Variants in MAPK13 observed in about 807,000 individuals in gnomAD.
The protein encoded by MAPK13 is MAP kinase 13.
In MAPK13, 39 loss-of-function variants were observed where a neutral mutation model predicts 53.5. That is an observed-to-expected ratio of 0.73 (90% CI 0.56 to 0.95). MAPK13 has a LOEUF of 0.95. MAPK13 is among the 40% of genes least tolerant of loss of function. The pLI, the probability that MAPK13 is intolerant of heterozygous loss-of-function variation, is 0.00. For synonymous variants in MAPK13, 179 were observed against 190.9 expected (o/e 0.94, Z 0.51); for missense variants, 460 against 471.8 (o/e 0.98, Z 0.23).
chr6:36,140,966 A>T lies in MAPK13; in HGVS notation c.*1593A>T, dbSNP rs1561792387. On this transcript the variant is annotated 3_prime_UTR_variant, in exon 12 of 12. Transcript: ENST00000211287. Reference sequence around the variant, plus strand: ...AGGACTGCAGGTGGCTAATTAAAACATTTTTTTTCTTTTTTGTATAGGCGG... The same window carrying T: ...AGGACTGCAGGTGGCTAATTAAAACTTTTTTTTTCTTTTTTGTATAGGCGG... The T allele has an allele frequency of 6.6e-6, 1 of 151,678 alleles. No individual in the cohort carries two copies. Among genetic ancestry groups the T allele is most frequent in the Non-Finnish European group, 1.5e-5 (1 of 67,914 alleles). 9.4% of individuals were successfully genotyped at this position (151,678 alleles called of 1,614,324 possible).
intron 3 of MAPK13, among the ~76,000 whole-genome samples, chr6:36,134,320 AAACAACAAC>A (rs143995200): frequency 6.6e-6 from 1 of 152,074 alleles, no homozygotes; most frequent in Non-Finnish European, 1.5e-5. Context: ...GTCCTTTCAA[AAACAACAAC>A]AACAACAACA....
At chr6:36,137,265 C>CA (rs1766435936) in intron 8 of MAPK13, among the ~76,000 whole-genome samples, 1 of 152,142 alleles carries the variant, frequency 6.6e-6, no homozygotes, top group East Asian at 1.9e-4. Flanking sequence ...TCTGTAATCC[C>CA]AGCACTCTGG....
At chr6:36,133,683 A>G (rs1337385582) in intron 3 of MAPK13, among the ~76,000 whole-genome samples, 1 of 152,236 alleles carries the variant, frequency 6.6e-6, no homozygotes, top group Non-Finnish European at 1.5e-5. Flanking sequence ...GAACCTCAGG[A>G]GACGAAGGTC....
At chr6:36,138,505 TG>T in intron 9 of MAPK13, 61 bp downstream of exon 9, 1 of 1,526,196 alleles carries the variant, frequency 6.6e-7, no homozygotes, top group Non-Finnish European at 9.0e-7. Flanking sequence ...GTGGGCCCAG[TG>T]GGCTGCAGGC....
intron 3 of MAPK13, among the ~76,000 whole-genome samples, 189 bp from the exon 4 acceptor site, chr6:36,135,564 C>T (rs1450442594): frequency 1.3e-5 from 2 of 152,224 alleles, no homozygotes; most frequent in Admixed American, 6.5e-5. Context: ...GGCGGCCCGC[C>T]ACAGGGAGAC....
In MAPK13 at chr6:36,136,775, G is replaced by A; in HGVS notation, c.610+5G>A. On this transcript the variant is annotated splice_donor_5th_base_variant and intron_variant, in intron 7 of 11. Coordinates refer to ENST00000211287, the MANE Select transcript of MAPK13 (RefSeq NM_002754.5). The stretch of plus-strand genomic sequence containing the variant: ...GGATGCACTACAACCAGACAGGTCA[G>A]TGGTCAATGCCTGAGAGGGCGGTCC... 6.2e-7 allele frequency: 1 copy of A among 1,613,930 alleles called. No individual in the cohort carries two copies.
intron 2 of MAPK13, among the ~76,000 whole-genome samples, chr6:36,131,776 C>T (rs917340671): frequency 6.6e-6 from 1 of 152,208 alleles, no homozygotes; most frequent in Non-Finnish European, 1.5e-5. Flanking sequence ...ATATTGAGCA[C>T]TTCCTATGTT....
chr6:36,137,771 G>A (rs1221569274), intron 8 of MAPK13, among the ~76,000 whole-genome samples: 1 of 151,728 alleles, frequency 6.6e-6, no homozygotes, highest in African/African-American at 2.4e-5. Flanking sequence ...GACCAGCCTG[G>A]CCAACGTGGT....
rs1169297160 is a variant in MAPK13, at chr6:36,143,081, T to C, written c.*3708T>C. 1.3e-5 allele frequency: 2 copies of C among 152,028 alleles called. No homozygotes were observed. Among genetic ancestry groups the C allele is most frequent in the Non-Finnish European group, 2.9e-5 (2 of 68,032 alleles). The allele number at this position is 152,028 out of a possible 1,614,324, so 9.4% of individuals were successfully genotyped here. ...GTGGCTGATGGGGTGGCTTAAAAGA[T>C]CTTAACAGAGAGAGATCAGGAAGCC... On this transcript the variant is annotated 3_prime_UTR_variant, in exon 12 of 12. Coordinates refer to ENST00000211287, the MANE Select transcript of MAPK13 (RefSeq NM_002754.5).
rs1202106780 is a variant in MAPK13, at chr6:36,144,394, C to T, written c.*5021C>T. On this transcript the variant is annotated 3_prime_UTR_variant, in exon 12 of 12. Coordinates refer to ENST00000211287, the MANE Select transcript of MAPK13 (RefSeq NM_002754.5). ...AATATTTTAAGATAGATACCTGTGG[C>T]AAACTGTAAAGGGATATGAAAAACT... is the stretch of plus-strand genomic sequence containing the variant. The T allele has an allele frequency of 6.6e-6, 1 of 152,096 alleles. No individual in the cohort carries two copies. The highest frequency in any genetic ancestry group is 1.9e-4 in the East Asian group (1 of 5,198). The allele number at this position is 152,096 out of a possible 1,614,324, so 9.4% of individuals were successfully genotyped here. A position where few individuals can be genotyped will look rare whatever the true frequency, so the allele number is the denominator to read the frequency against.
chr6:36,136,482 A>G lies in MAPK13; in HGVS notation c.448-2A>G, dbSNP rs1766418989. 6.3e-7 allele frequency: 1 copy of G among 1,593,564 alleles called. No homozygotes were observed. ...AGCATGCATTCTCTGTCCTCCCCCCAGGACCTGAAGCCAGGCAACCTGGCT... is the reference window on the plus strand; with the variant it reads ...AGCATGCATTCTCTGTCCTCCCCCCGGGACCTGAAGCCAGGCAACCTGGCT... On this transcript the variant is annotated splice_acceptor_variant, in intron 5 of 11. Coordinates refer to ENST00000211287, the MANE Select transcript of MAPK13 (RefSeq NM_002754.5). LOFTEE classifies it high-confidence loss of function.
In MAPK13 at chr6:36,136,879, T is replaced by C. The variant is rs1396156463; in HGVS notation, c.611T>C (p.Val204Ala). ...GGTGACACTCTCCCTCCCTCTGCAG[T>C]GGACATCTGGTCTGTGGGCTGTATC... ...ILSWMHYNQTVDIWSVGCIMA... is the reference protein window; with the variant it reads ...ILSWMHYNQTADIWSVGCIMA... Residue 204 changes from valine (V) to alanine (A), a missense_variant and splice_region_variant, in exon 8 of 12, where the codon GTG becomes GCG. Coordinates refer to ENST00000211287, the MANE Select transcript of MAPK13 (RefSeq NM_002754.5). 3 of 1,613,964 alleles carry C rather than the reference T, an allele frequency of 1.9e-6. No homozygotes were observed. In the African/African-American group the frequency reaches 4.0e-5, roughly 22 times the overall value.
At chr6:36,136,460 A>G (rs1766418364) in intron 5 of MAPK13, 24 bp from the exon 6 acceptor site, 2 of 1,568,256 alleles carry the variant, frequency 1.3e-6, no homozygotes, top group Non-Finnish European at 1.7e-6. Context: ...TCAGCCTAGC[A>G]TGCATTCTCT....
Position 36,143,490 on chromosome 6 carries a change from G to C in MAPK13, c.*4117G>C, listed in dbSNP as rs1456467308. 6.6e-6 allele frequency: 1 copy of C among 152,214 alleles called. No individual in the cohort carries two copies. Among genetic ancestry groups the C allele is most frequent in the African/African-American group, 2.4e-5 (1 of 41,450 alleles). The allele number at this position is 152,214 out of a possible 1,614,324, so 9.4% of individuals were successfully genotyped here. ...TTGGCACATTGAAATAGCTTTTGCTGTCTGCTAGGGTGTGGAAAACTGTTT... is the reference window on the plus strand; with the variant it reads ...TTGGCACATTGAAATAGCTTTTGCTCTCTGCTAGGGTGTGGAAAACTGTTT... On this transcript the variant is annotated 3_prime_UTR_variant, in exon 12 of 12. Transcript: ENST00000211287.
At chr6:36,134,077 T>G (rs750618155) in intron 3 of MAPK13, among the ~76,000 whole-genome samples, 1 of 151,832 alleles carries the variant, frequency 6.6e-6, no homozygotes, top group Non-Finnish European at 1.5e-5. Context: ...TTCTAGAAGT[T>G]TGGTGGTGAG....
At position 36,132,462 on chromosome 6, in the gene MAPK13, C is replaced by T. The variant is rs116771088; in HGVS notation, c.250-159C>T. Reference sequence around the variant, plus strand: ...AAATCCAGGGGATTCCTCTAGGCCTCTGCCCTTTTTACTGCTTCCAAGAAG... The same window carrying T: ...AAATCCAGGGGATTCCTCTAGGCCTTTGCCCTTTTTACTGCTTCCAAGAAG... On this transcript the variant is annotated intron_variant, in intron 2 of 11. Transcript: ENST00000211287. 2.5e-3 allele frequency among the ~76,000 whole-genome samples: 379 copies of T among 152,346 alleles called. 1 individual carries two copies. Among genetic ancestry groups the T allele is most frequent in the African/African-American group, 8.5e-3 (352 of 41,584 alleles).
rs371945781 is a variant in MAPK13 at position 36,131,238 on chromosome 6, A to C, written c.120-33A>C. On this transcript the variant is annotated intron_variant, in intron 1 of 11. Transcript: ENST00000211287. ...TCTGGGAGATACGGCCCAGGAGGAG[A>C]GCCTCGCCTGCTGACCGGCCTGTGC... 2.7e-5 allele frequency: 44 copies of C among 1,600,250 alleles called. No homozygotes were observed. In the South Asian group the frequency reaches 4.1e-4, roughly 15 times the overall value.
At chr6:36,136,588 C>T in intron 6 of MAPK13, 57 bp downstream of exon 6, 1 of 1,600,122 alleles carries the variant, frequency 6.2e-7, no homozygotes, top group Non-Finnish European at 8.5e-7. Context: ...CAGGGAAGCC[C>T]CTGGAAGCCG....
At chr6:36,134,541 T>A (rs1227845293) in intron 3 of MAPK13, among the ~76,000 whole-genome samples, 1 of 152,100 alleles carries the variant, frequency 6.6e-6, no homozygotes, top group Non-Finnish European at 1.5e-5. Context: ...TACAGATGCA[T>A]GCCACCATGT....
Sources: gnomAD v4.1 joint callset for allele counts (sites outside exome capture counted in the v4.1 genomes callset) on GRCh38, gnomAD v4.1.1 for gene constraint, MANE v1.5 for transcripts, NCBI Gene and HGNC (gene_info 2026-07-23, HGNC 2026-07-21) for gene names.